Variants in CCNY observed in about 807,000 individuals in gnomAD.
CCNY encodes the protein cyclin Y, also known as cyclin-Y.
In CCNY, 19 loss-of-function variants were observed where a neutral mutation model predicts 42.8. That is an observed-to-expected ratio of 0.44 (90% CI 0.31 to 0.65). The LOEUF (loss-of-function observed/expected upper bound fraction) is 0.65, where lower values mean the gene tolerates loss of function less well. Ranked by LOEUF, CCNY falls within the 30% of genes least tolerant of loss-of-function variation. CCNY has a pLI of 0.07. For synonymous variants in CCNY, 165 were observed against 162.7 expected, an observed-to-expected ratio of 1.01 and a Z score of -0.11; for missense variants, 370 against 437.3, an observed-to-expected ratio of 0.85 and a Z score of 1.37.
At chr10:35,354,510 C>T (rs532552074) in intron 1 of CCNY, among the ~76,000 whole-genome samples, 1 of 152,258 alleles carries the variant, frequency 6.6e-6, no homozygotes, top group Non-Finnish European at 1.5e-5. Flanking sequence ...ATAACCTGAG[C>T]TTAGAAGTGA....
chr10:35,517,046 C>T (rs919662570), intron 4 of CCNY, among the ~76,000 whole-genome samples: 5 of 152,096 alleles, frequency 3.3e-5, no homozygotes, highest in Admixed American at 1.3e-4. Context: ...GTTGGAGACC[C>T]GGGGCTCCAG....
At chr10:35,461,264 A>G (rs906931282) in intron 1 of CCNY, among the ~76,000 whole-genome samples, 4 of 152,194 alleles carry the variant, frequency 2.6e-5, no homozygotes, top group Non-Finnish European at 5.9e-5. Context: ...GACTGCAGCA[A>G]TGGGGTTTTG....
intron 2 of CCNY, among the ~76,000 whole-genome samples, chr10:35,491,334 C>G (rs1331882528): frequency 6.6e-6 from 1 of 152,180 alleles, no homozygotes. Context: ...AGGGTGAGTC[C>G]CAGGCACACA....
chr10:35,324,554 T>G (rs1835857763), intron 3 of CCNY, among the ~76,000 whole-genome samples: 1 of 152,200 alleles, frequency 6.6e-6, no homozygotes, highest in African/African-American at 2.4e-5. Context: ...AAGATCTCAT[T>G]GAAAAGAGTT....
At chr10:35,382,591 G>A (rs1437215453) in intron 1 of CCNY, among the ~76,000 whole-genome samples, 1 of 152,140 alleles carries the variant, frequency 6.6e-6, no homozygotes, top group Non-Finnish European at 1.5e-5. Flanking sequence ...TGTGGGTAAA[G>A]ACATGACTCC....
At chr10:35,562,171 A>G (rs1841479584) in intron 8 of CCNY, among the ~76,000 whole-genome samples, 1 of 152,206 alleles carries the variant, frequency 6.6e-6, no homozygotes, top group Admixed American at 6.5e-5. Context: ...TGTCATTTTC[A>G]TGTGTAGACA....
At chr10:35,327,908 CTT>C (rs1036673874) in intron 3 of CCNY, among the ~76,000 whole-genome samples, 8 of 152,186 alleles carry the variant, frequency 5.3e-5, no homozygotes, top group African/African-American at 1.9e-4. Flanking sequence ...CTCACTGGTC[CTT>C]TCTCTCTAGC....
In CCNY at chr10:35,413,696, G is replaced by A. The variant is rs374201506; in HGVS notation, c.155-69708G>A. 2.3e-4 allele frequency among the ~76,000 whole-genome samples: 35 copies of A among 152,322 alleles called. No individual in the cohort carries two copies. In the South Asian group the frequency reaches 7.0e-3, roughly 31 times the overall value. ...AAGGTGATGTACTGTGTGGAGGAGA[G>A]CGTTCAGCAGGAGAGAGTGGCCGTC... On this transcript the variant is annotated intron_variant, in intron 1 of 9. Coordinates refer to ENST00000374704, the MANE Select transcript of CCNY (RefSeq NM_145012.6).
intron 7 of CCNY, among the ~76,000 whole-genome samples, chr10:35,552,093 A>G (rs1422473193): frequency 6.6e-6 from 1 of 151,746 alleles, no homozygotes; most frequent in Non-Finnish European, 1.5e-5. Context: ...TGCATTGTTC[A>G]CAATAGCCAC....
chr10:35,560,314 A>T (rs1384306924), intron 8 of CCNY, among the ~76,000 whole-genome samples: 1 of 152,200 alleles, frequency 6.6e-6, no homozygotes, highest in African/African-American at 2.4e-5. Context: ...TTCACATGCA[A>T]AGCCCTCCCA....
At chr10:35,287,314 C>T (rs1251997113) in intron 3 of CCNY, among the ~76,000 whole-genome samples, 1 of 152,128 alleles carries the variant, frequency 6.6e-6, no homozygotes, top group Non-Finnish European at 1.5e-5. Flanking sequence ...ATGTTATACA[C>T]ACACATTTAC....
At chr10:35,431,897 C>T (rs1838420262) in intron 1 of CCNY, among the ~76,000 whole-genome samples, 2 of 152,224 alleles carry the variant, frequency 1.3e-5, no homozygotes, top group South Asian at 4.1e-4. Context: ...TTGTGATCCT[C>T]TGTTTTTACA....
At chr10:35,529,293 C>T (rs1031122477) in intron 5 of CCNY, among the ~76,000 whole-genome samples, 2 of 152,130 alleles carry the variant, frequency 1.3e-5, no homozygotes, top group African/African-American at 4.8e-5. Flanking sequence ...TTCATTCTTA[C>T]CCTGGCGCTT....
intron 8 of CCNY, among the ~76,000 whole-genome samples, chr10:35,553,695 G>A (rs928810116): frequency 6.6e-6 from 1 of 152,228 alleles, no homozygotes; most frequent in African/African-American, 2.4e-5. Flanking sequence ...TCAGCCTCGT[G>A]TCCCTGGGGC....
At chr10:35,336,219 C>T (rs1480478281), upstream of CCNY, 2 of 151,738 alleles carry the variant, frequency 1.3e-5, no homozygotes, top group Non-Finnish European at 2.9e-5. Flanking sequence ...CGGGGACGCA[C>T]CTCGCATCCC....
At chr10:35,356,949 T>C (rs1050601462) in intron 1 of CCNY, among the ~76,000 whole-genome samples, 2 of 152,104 alleles carry the variant, frequency 1.3e-5, no homozygotes, top group African/African-American at 4.8e-5. Context: ...CTGCCTGCCA[T>C]GTAAACCTCC....
chr10:35,254,822 C>T (rs577707861), intron 3 of CCNY, among the ~76,000 whole-genome samples: 17 of 136,612 alleles, frequency 1.2e-4, no homozygotes, highest in African/African-American at 4.2e-4. Flanking sequence ...AAGAGTGAGA[C>T]CCTGTCTCAA....
chr10:35,380,702 G>A lies in CCNY; in HGVS notation c.154+43495G>A, dbSNP rs138843467. Among the ~76,000 whole-genome samples, 7 of 152,242 alleles carry A rather than the reference G, an allele frequency of 4.6e-5. No individual in the cohort carries two copies. In the East Asian group the frequency reaches 1.4e-3, roughly 29 times the overall value. ...TTCCTCTCTTGAAGATGAGAAAACTGACAGGCCCAGAGAGATTAAGAACCT... is the reference window on the plus strand; with the variant it reads ...TTCCTCTCTTGAAGATGAGAAAACTAACAGGCCCAGAGAGATTAAGAACCT... On this transcript the variant is annotated intron_variant, in intron 1 of 9. Transcript: ENST00000374704.
chr10:35,539,747 A>G (rs750918295), intron 7 of CCNY, among the ~76,000 whole-genome samples: 1 of 152,230 alleles, frequency 6.6e-6, no homozygotes, highest in Non-Finnish European at 1.5e-5. Flanking sequence ...AGATTGCGCC[A>G]CTGCACTCCA....
Sources: allele counts gnomAD v4.1 joint callset (sites outside exome capture counted in the v4.1 genomes callset), GRCh38; gene constraint gnomAD v4.1.1; transcripts MANE v1.5; gene names NCBI Gene and HGNC (gene_info 2026-07-23, HGNC 2026-07-21).